Variants in PTPRM observed in about 807,000 individuals in gnomAD.
The protein encoded by PTPRM is receptor-type tyrosine-protein phosphatase mu.
A neutral mutation model predicts 186.7 loss-of-function variants in PTPRM; 47 were observed. The ratio of observed to expected loss-of-function variants is 0.25; its 90% CI spans 0.20 to 0.32. The LOEUF (loss-of-function observed/expected upper bound fraction) is 0.32. Among genes scored for constraint, PTPRM ranks in the 10% least tolerant of loss-of-function variants. The pLI is 1.00. For synonymous variants in PTPRM, 668 were observed against 674.9 expected, an observed-to-expected ratio of 0.99 and a Z score of 0.16; for missense variants, 1,494 against 1,865.0, an observed-to-expected ratio of 0.80 and a Z score of 3.66.
At chr18:8,051,776 A>G (rs533849000) in intron 7 of PTPRM, among the ~76,000 whole-genome samples, 4 of 152,074 alleles carry the variant, frequency 2.6e-5, no homozygotes, top group Non-Finnish European at 5.9e-5. Flanking sequence ...TTCTTTTGAC[A>G]ATAATGCTGG....
At chr18:7,594,402 C>A (rs1197357822) in intron 1 of PTPRM, among the ~76,000 whole-genome samples, 1 of 151,978 alleles carries the variant, frequency 6.6e-6, no homozygotes, top group African/African-American at 2.4e-5. Flanking sequence ...ATCGCTTGAG[C>A]CCTGGAGGCA....
intron 2 of PTPRM, among the ~76,000 whole-genome samples, chr18:7,818,664 C>T (rs1430714786): frequency 6.6e-6 from 1 of 152,224 alleles, no homozygotes; most frequent in Non-Finnish European, 1.5e-5. Flanking sequence ...ATGGAAGTAA[C>T]AATAAGCCCT....
At chr18:7,883,232 G>A (rs934321193) in intron 2 of PTPRM, among the ~76,000 whole-genome samples, 3 of 152,154 alleles carry the variant, frequency 2.0e-5, no homozygotes, top group South Asian at 2.1e-4. Flanking sequence ...AATGCTTTTT[G>A]TAGGAGGAAA....
At chr18:8,311,138 A>G (rs1342729835) in intron 20 of PTPRM, among the ~76,000 whole-genome samples, 3 of 152,064 alleles carry the variant, frequency 2.0e-5, no homozygotes, top group Non-Finnish European at 4.4e-5. Flanking sequence ...GTGAAATCCC[A>G]TCTCTACTTA....
intron 6 of PTPRM, among the ~76,000 whole-genome samples, chr18:7,950,443 C>G (rs2052864105): frequency 6.6e-6 from 1 of 152,122 alleles, no homozygotes; most frequent in Admixed American, 6.5e-5. Context: ...GGTATAAAAG[C>G]AATAGCTTTT....
intron 32 of PTPRM, among the ~76,000 whole-genome samples, chr18:8,405,331 G>A (rs918701466): frequency 4.6e-5 from 7 of 151,994 alleles, no homozygotes; most frequent in Admixed American, 3.3e-4. Flanking sequence ...GGATGGCCAC[G>A]TACTTTATCC....
rs2048113515 is a variant in PTPRM at position 7,874,122 on chromosome 18, A to AG, written c.197-13984_197-13983insG. On this transcript the variant is annotated intron_variant, in intron 2 of 32. Coordinates refer to ENST00000580170, the MANE Select transcript of PTPRM (RefSeq NM_001105244.2). The stretch of plus-strand genomic sequence containing the variant: ...AATAAAGTAGGAAAAGTTTTAAAAA[A>AG]AAAAATCCCTTCGTATATGTGTCTG... 3.3e-5 allele frequency among the ~76,000 whole-genome samples: 5 copies of AG among 152,190 alleles called. No homozygotes were observed. In the South Asian group the frequency reaches 1.0e-3, roughly 32 times the overall value.
intron 3 of PTPRM, among the ~76,000 whole-genome samples, chr18:7,895,656 T>C (rs773305743): frequency 1.3e-5 from 2 of 152,212 alleles, no homozygotes; most frequent in Non-Finnish European, 2.9e-5. Flanking sequence ...TTCTGTGCCT[T>C]CTTCCAGAAC....
At chr18:7,877,045 G>C (rs1432028147) in intron 2 of PTPRM, among the ~76,000 whole-genome samples, 1 of 152,064 alleles carries the variant, frequency 6.6e-6, no homozygotes, top group African/African-American at 2.4e-5. Context: ...TCATGTAAGT[G>C]TTAGCTATTA....
At chr18:8,119,786 G>A (rs12954697) in intron 13 of PTPRM, among the ~76,000 whole-genome samples, 70,768 of 151,936 alleles carry the variant, frequency 0.47, 17,467 homozygotes, top group African/African-American at 0.62. Context: ...ACGTAACTGA[G>A]ATGACCATTT....
At chr18:7,649,636 T>A (rs111325129) in intron 1 of PTPRM, among the ~76,000 whole-genome samples, 99 of 152,132 alleles carry the variant, frequency 6.5e-4, no homozygotes, top group African/African-American at 2.3e-3. Context: ...TAACTACAGA[T>A]GGTGTAGTTA....
chr18:7,936,404 G>A (rs1186152350), intron 5 of PTPRM, among the ~76,000 whole-genome samples: 2 of 152,212 alleles, frequency 1.3e-5, no homozygotes, highest in East Asian at 1.9e-4. Flanking sequence ...CCCAGTGCCC[G>A]CTTCAATCTT....
chr18:7,703,351 G>A (rs2040006442), intron 1 of PTPRM, among the ~76,000 whole-genome samples: 1 of 152,126 alleles, frequency 6.6e-6, no homozygotes, highest in Non-Finnish European at 1.5e-5. Context: ...ATTTCCTTGA[G>A]CAGTGGTTTG....
At chr18:7,928,889 G>A (rs910150054) in intron 5 of PTPRM, among the ~76,000 whole-genome samples, 2 of 152,120 alleles carry the variant, frequency 1.3e-5, no homozygotes, top group African/African-American at 4.8e-5. Context: ...ACACTTCCAG[G>A]AACTTTGTTT....
At chr18:7,769,800 T>C (rs2080798651) in intron 1 of PTPRM, among the ~76,000 whole-genome samples, 1 of 152,180 alleles carries the variant, frequency 6.6e-6, no homozygotes, top group Non-Finnish European at 1.5e-5. Flanking sequence ...CTCATTCTTA[T>C]CTAGAACCTG....
intron 11 of PTPRM, among the ~76,000 whole-genome samples, chr18:8,094,876 G>T (rs1467563356): frequency 1.3e-5 from 2 of 152,080 alleles, no homozygotes; most frequent in Non-Finnish European, 2.9e-5. Flanking sequence ...CATAGAGAAG[G>T]ACACATTTTG....
rs574597664 is a variant in PTPRM, at chr18:8,282,118, A to G, written c.2755-14250A>G. On this transcript the variant is annotated intron_variant, in intron 19 of 32. Transcript: ENST00000580170. Reference sequence around the variant, plus strand: ...ATCCAATTAGAAAATGGGCAAAGACATGAAAGACACTTCACCAAAGAGAAT... The same window carrying G: ...ATCCAATTAGAAAATGGGCAAAGACGTGAAAGACACTTCACCAAAGAGAAT... Among the ~76,000 whole-genome samples, 7 of 152,372 alleles carry G rather than the reference A, an allele frequency of 4.6e-5. No individual in the cohort carries two copies. The East Asian group carries it at 1.4e-3, about 29-fold the overall frequency.
intron 11 of PTPRM, among the ~76,000 whole-genome samples, chr18:8,091,781 G>C (rs1162758873): frequency 6.6e-6 from 1 of 152,060 alleles, no homozygotes; most frequent in Non-Finnish European, 1.5e-5. Context: ...TTCATGTAAT[G>C]TTTAGACAAA....
At position 7,985,145 on chromosome 18, in the gene PTPRM, TTG is replaced by T. The variant is rs1193918014; in HGVS notation, c.1132+29733_1132+29734del. On this transcript the variant is annotated intron_variant, in intron 7 of 32. Coordinates refer to ENST00000580170, the MANE Select transcript of PTPRM (RefSeq NM_001105244.2). ...TACACATATAAATATATACATATAATTGTATATACACATATAAATATATACAT... is the reference window on the plus strand; with the variant it reads ...TACACATATAAATATATACATATAATTATATACACATATAAATATATACAT... Among the ~76,000 whole-genome samples the T allele has an allele frequency of 3.1e-5, 4 of 128,486 alleles. No homozygotes were observed. In the East Asian group the frequency reaches 6.8e-4, roughly 22 times the overall value. The allele number at this position is 128,486 out of a possible 152,430, so 84.3% of individuals were successfully genotyped here.
Sources: gnomAD v4.1 joint callset for allele counts (sites outside exome capture counted in the v4.1 genomes callset) on GRCh38, gnomAD v4.1.1 for gene constraint, MANE v1.5 for transcripts, NCBI Gene and HGNC (gene_info 2026-07-23, HGNC 2026-07-21) for gene names.